The following SSMEM1 variants were observed in gnomAD, a reference collection of about 807,000 sequenced individuals.
SSMEM1 encodes the protein serine rich single-pass membrane protein 1.
Under a neutral mutation model 9.9 loss-of-function variants are expected in SSMEM1, and 12 were observed. The observed-to-expected ratio is 1.21, with a 90% CI of 0.78 to 1.96. The LOEUF (loss-of-function observed/expected upper bound fraction) is 1.96. Ranked by LOEUF, SSMEM1 falls within the 30% of genes most tolerant of loss-of-function variation. The probability of loss-of-function intolerance (pLI) is 0.00; values close to 1 mark genes in which losing one functional copy is unlikely to be tolerated. For synonymous variants in SSMEM1, 96 were observed against 98.9 expected, an observed-to-expected ratio of 0.97 and a Z score of 0.17; for missense variants, 259 against 292.2, an observed-to-expected ratio of 0.89 and a Z score of 0.83.
intron 1 of SSMEM1, among the ~76,000 whole-genome samples, chr7:130,211,769 T>C (rs1337727158): frequency 6.6e-6 from 1 of 152,210 alleles, no homozygotes. Flanking sequence ...ATATGCTCCT[T>C]AAAGTCTTTT....
chr7:130,205,686 T>C (rs1243954540), upstream of SSMEM1, among the ~76,000 whole-genome samples: 3 of 152,206 alleles, frequency 2.0e-5, no homozygotes, highest in East Asian at 1.9e-4. Context: ...TAATTTTAGC[T>C]TCCCTAGGGC....
chr7:130,205,749 T>C (rs1798439292), upstream of SSMEM1, among the ~76,000 whole-genome samples: 1 of 152,214 alleles, frequency 6.6e-6, no homozygotes, highest in African/African-American at 2.4e-5. Context: ...CACCGTAGGA[T>C]AGAGTGGCGT....
intron 2 of SSMEM1, among the ~76,000 whole-genome samples, chr7:130,215,632 C>T (rs563762357): frequency 1.1e-4 from 17 of 152,264 alleles, no homozygotes; most frequent in African/African-American, 3.9e-4. Context: ...CATTCATATA[C>T]CTGCTTGAAT....
upstream of SSMEM1, chr7:130,207,642 C>T (rs2727837): frequency 1 from 509,332 of 510,808 alleles, 253,944 homozygotes; most frequent in Middle Eastern, 1. Context: ...GAAAATATAG[C>T]ATATACAAGT....
At chr7:130,213,459 T>G in intron 1 of SSMEM1, 21 bp from the exon 2 acceptor site, 1 of 1,606,646 alleles carries the variant, frequency 6.2e-7, no homozygotes, top group South Asian at 1.1e-5. Flanking sequence ...TCACTCTTAC[T>G]AACCTATGTT....
In SSMEM1 at chr7:130,216,677, A is replaced by G; in HGVS notation, c.*207A>G. ...ATCACGTGTTTATGGCACCATTGGA[A>G]CACCAAAGATCTATATCTGCTATGA... On this transcript the variant is annotated 3_prime_UTR_variant, in exon 3 of 3. Transcript: ENST00000297819. The G allele has an allele frequency of 3.4e-6, 2 of 595,984 alleles. No individual in the cohort carries two copies. The highest frequency in any genetic ancestry group is 4.4e-5 in the South Asian group (2 of 45,190). 36.9% of individuals were successfully genotyped at this position (595,984 alleles called of 1,614,324 possible). A position where few individuals can be genotyped will look rare whatever the true frequency, so the allele number is the denominator to read the frequency against.
At chr7:130,214,360 G>C (rs2633386) in intron 2 of SSMEM1, among the ~76,000 whole-genome samples, 151,209 of 152,292 alleles carry the variant, frequency 0.99, 75,073 homozygotes, top group Middle Eastern at 1. Context: ...TGCCAGTGAG[G>C]CATAATCATG....
At position 130,216,159 on chromosome 7, in the gene SSMEM1, C is replaced by A. The variant is rs749482804; in HGVS notation, c.424C>A (p.Gln142Lys). The change falls in exon 3 of 3, where the codon CAA becomes AAA. Residue 142 changes from glutamine to lysine, a missense_variant. Gln to Lys is a moderately conservative substitution (Grantham distance 53, BLOSUM62 1). Coordinates refer to ENST00000297819, the MANE Select transcript of SSMEM1 (RefSeq NM_145268.4). ...QSQFNEVNQN[Q>K]HDSDTTEYGS... ...TCAGTTCAATGAGGTGAACCAGAAC[C>A]AACATGACAGTGATACTACGGAGTA... The A allele has an allele frequency of 6.2e-7, 1 of 1,614,138 alleles. No homozygotes were observed. The highest frequency in any genetic ancestry group is 1.7e-5 in the Admixed American group (1 of 60,008).
rs140752649 is a variant in SSMEM1 at position 130,216,379 on chromosome 7, G to A, written c.644G>A (p.Arg215Gln). 66 of 1,614,064 alleles carry A rather than the reference G, an allele frequency of 4.1e-5. No homozygotes were observed. In the African/African-American group the frequency reaches 4.9e-4, roughly 12 times the overall value. Residue 215 changes from arginine to glutamine, a missense_variant, in exon 3 of 3, where the codon CGA becomes CAA. By Grantham distance (43) the Arg-to-Gln change is conservative. Transcript: ENST00000297819. Reference sequence around the variant, plus strand: ...AACGAATGGTTGGCGCACCATTCCCGACAGAAGCCTTCAGTAACACCGCCA... The same window carrying A: ...AACGAATGGTTGGCGCACCATTCCCAACAGAAGCCTTCAGTAACACCGCCA... ...RTNEWLAHHS[R>Q]QKPSVTPPMK...
intron 2 of SSMEM1, among the ~76,000 whole-genome samples, chr7:130,214,637 G>A (rs1259365480): frequency 6.6e-6 from 1 of 152,140 alleles, no homozygotes; most frequent in African/African-American, 2.4e-5. Flanking sequence ...AAGTTAAGGA[G>A]TGAGATGAAA....
At chr7:130,205,524 C>T (rs937889570), upstream of SSMEM1, 4 of 1,295,358 alleles carry the variant, frequency 3.1e-6, no homozygotes, top group African/African-American at 1.5e-5. Flanking sequence ...GTCGCAGGCC[C>T]AGGCGCTCGG....
upstream of SSMEM1, chr7:130,205,417 G>A (rs1299383393): frequency 3.1e-6 from 5 of 1,613,286 alleles, no homozygotes; most frequent in Non-Finnish European, 3.4e-6. Context: ...ACTCTCTCTG[G>A]GCATGCGCAA....
chr7:130,212,647 C>T (rs1167144288), intron 1 of SSMEM1, among the ~76,000 whole-genome samples: 1 of 151,814 alleles, frequency 6.6e-6, no homozygotes, highest in Non-Finnish European at 1.5e-5. Flanking sequence ...ATCACTTGAA[C>T]CTGGGAGGCG....
Position 130,216,258 on chromosome 7 carries a change from A to C in SSMEM1, c.523A>C (p.Ser175Arg), listed in dbSNP as rs1798705962. Reference protein sequence around the residue: ...SESEHHPSPDSIKRRKMAQRQ... With the variant: ...SESEHHPSPDRIKRRKMAQRQ... Reference sequence around the variant, plus strand: ...AAGTGAACACCACCCATCACCAGACAGTATTAAGAGGAGAAAAATGGCTCA... The same window carrying C: ...AAGTGAACACCACCCATCACCAGACCGTATTAAGAGGAGAAAAATGGCTCA... Residue 175 changes from serine to arginine, a missense_variant, in exon 3 of 3, where the codon AGT (serine) becomes CGT (arginine). Ser to Arg is a moderately radical substitution (Grantham distance 110). Transcript: ENST00000297819. 1 of 1,614,072 alleles carries C rather than the reference A, an allele frequency of 6.2e-7. No homozygotes were observed. The highest frequency in any genetic ancestry group is 1.7e-5 in the Admixed American group (1 of 60,002).
intron 2 of SSMEM1, among the ~76,000 whole-genome samples, chr7:130,215,097 G>A (rs1798678559): frequency 6.6e-6 from 1 of 152,188 alleles, no homozygotes; most frequent in Admixed American, 6.6e-5. Context: ...GAGGTCAGGA[G>A]TTCGAGACCA....
rs1179465068 is a variant in SSMEM1, at chr7:130,213,692, C to CAAAAAAAAAAAAAAAAAA, written c.238+163_238+180dup. Reference sequence around the variant, plus strand: ...TTGAGAACATAGTGAGACCCAGTACCAAAAAAAAAAAAAAAAAAAAAAGAA... The same window carrying CAAAAAAAAAAAAAAAAAA: ...TTGAGAACATAGTGAGACCCAGTACCAAAAAAAAAAAAAAAAAAAAAAAAAAAAAAAAAAAAAAAAGAA... On this transcript the variant is annotated intron_variant, in intron 2 of 2. Coordinates refer to ENST00000297819, the MANE Select transcript of SSMEM1 (RefSeq NM_145268.4). Among the ~76,000 whole-genome samples, 5 of 79,774 alleles carry CAAAAAAAAAAAAAAAAAA rather than the reference C, an allele frequency of 6.3e-5. 1 individual carries two copies. Among genetic ancestry groups the CAAAAAAAAAAAAAAAAAA allele is most frequent in the Admixed American group, 1.5e-4 (1 of 6,524 alleles). The allele number at this position is 79,774 out of a possible 152,430, so 52.3% of individuals were successfully genotyped here.
Position 130,213,534 on chromosome 7 carries a change from G to T in SSMEM1, c.238G>T (p.Ala80Ser), listed in dbSNP as rs1798636425. The change falls in exon 2 of 3, where the codon GCA (alanine) becomes TCA (serine). Residue 80 changes from alanine (A) to serine (S), a missense_variant and splice_region_variant. Transcript: ENST00000297819. ...GSGTSTSVRK[A>S]SKETSCKRQS... Reference sequence around the variant, plus strand: ...TGGGACAAGTACTTCAGTAAGGAAAGGTGAGAACCAGTGCATATTTGGTGT... The same window carrying T: ...TGGGACAAGTACTTCAGTAAGGAAATGTGAGAACCAGTGCATATTTGGTGT... The T allele has an allele frequency of 6.2e-7, 1 of 1,611,190 alleles. No individual in the cohort carries two copies. The highest frequency in any genetic ancestry group is 1.3e-5 in the African/African-American group (1 of 74,714).
At chr7:130,205,482 C>G (rs878982856), upstream of SSMEM1, 6 of 1,560,436 alleles carry the variant, frequency 3.8e-6, no homozygotes, top group South Asian at 6.7e-5. Flanking sequence ...ACCGGAAGAA[C>G]TAGGTAGTCT....
chr7:130,211,067 A>T (rs1366183856), intron 1 of SSMEM1, among the ~76,000 whole-genome samples: 2 of 152,016 alleles, frequency 1.3e-5, no homozygotes, highest in African/African-American at 2.4e-5. Flanking sequence ...ACATATATTA[A>T]ATTTATTTTT....
Sources: gnomAD v4.1 joint callset for allele counts (sites outside exome capture counted in the v4.1 genomes callset) on GRCh38, gnomAD v4.1.1 for gene constraint, MANE v1.5 for transcripts, NCBI Gene and HGNC (gene_info 2026-07-23, HGNC 2026-07-21) for gene names.